MACROD2: variants seen among roughly 807,000 people sequenced by gnomAD.
MACROD2 encodes mono-ADP ribosylhydrolase 2, also known as ADP-ribose glycohydrolase MACROD2.
Under a neutral mutation model 70.4 loss-of-function variants are expected in MACROD2, and 36 were observed. The ratio of observed to expected loss-of-function variants is 0.51; its 90% CI spans 0.39 to 0.68. The LOEUF (loss-of-function observed/expected upper bound fraction) is 0.68, where lower values mean the gene tolerates loss of function less well. Ranked by LOEUF, MACROD2 falls within the 30% of genes least tolerant of loss-of-function variation. The pLI, the probability that MACROD2 is intolerant of heterozygous loss-of-function variation, is 0.00. For missense variants in MACROD2, 496 were observed against 538.4 expected (o/e 0.92, Z 0.78); for synonymous variants, 172 against 178.8 (o/e 0.96, Z 0.30).
intron 8 of MACROD2, among the ~76,000 whole-genome samples, chr20:15,668,572 A>G (rs1262327027): frequency 6.6e-6 from 1 of 151,610 alleles, no homozygotes; most frequent in Admixed American, 6.6e-5. Context: ...TGTCTGAAAA[A>G]TAAAATAAAA....
chr20:15,815,030 A>G (rs897483431), intron 8 of MACROD2, among the ~76,000 whole-genome samples: 1 of 152,216 alleles, frequency 6.6e-6, no homozygotes, highest in African/African-American at 2.4e-5. Flanking sequence ...TTCAGGGCAG[A>G]GGGGGTACTT....
At chr20:14,720,528 C>T (rs1322598293) in intron 5 of MACROD2, among the ~76,000 whole-genome samples, 3 of 108,804 alleles carry the variant, frequency 2.8e-5, no homozygotes, top group African/African-American at 1.0e-4. Context: ...TTCCCAGCTG[C>T]CCCACAACTT....
intron 8 of MACROD2, among the ~76,000 whole-genome samples, chr20:15,587,099 C>T (rs1016537905): frequency 6.6e-6 from 1 of 152,098 alleles, no homozygotes; most frequent in Non-Finnish European, 1.5e-5. Flanking sequence ...GTGAAGAAAA[C>T]GTTTAATTGG....
intron 3 of MACROD2, among the ~76,000 whole-genome samples, chr20:14,353,185 C>T (rs2083140868): frequency 6.6e-6 from 1 of 152,026 alleles, no homozygotes; most frequent in South Asian, 2.1e-4. Context: ...ATGTTTCTTC[C>T]AACTTGTTGC....
chr20:15,920,881 C>T (rs1216911818), intron 10 of MACROD2, among the ~76,000 whole-genome samples: 1 of 152,176 alleles, frequency 6.6e-6, no homozygotes, highest in Non-Finnish European at 1.5e-5. Context: ...CAGTAGAGGT[C>T]GACACCATTC....
intron 5 of MACROD2, among the ~76,000 whole-genome samples, chr20:15,228,407 A>C (rs961443051): frequency 3.3e-5 from 5 of 151,796 alleles, no homozygotes; most frequent in African/African-American, 1.2e-4. Context: ...CCAATGCTTT[A>C]GGTCTTTTCT....
At chr20:15,259,820 A>C (rs2077232656) in intron 6 of MACROD2, among the ~76,000 whole-genome samples, 1 of 151,794 alleles carries the variant, frequency 6.6e-6, no homozygotes, top group African/African-American at 2.4e-5. Flanking sequence ...ATATGAAATG[A>C]AATCTGGGAG....
intron 5 of MACROD2, among the ~76,000 whole-genome samples, chr20:15,150,392 A>T (rs1382077546): frequency 6.6e-6 from 1 of 152,106 alleles, no homozygotes; most frequent in Non-Finnish European, 1.5e-5. Flanking sequence ...CAGGGTGGAT[A>T]GGCAAAGCAA....
intron 3 of MACROD2, among the ~76,000 whole-genome samples, chr20:14,354,857 G>A (rs2083158014): frequency 6.6e-6 from 1 of 152,046 alleles, no homozygotes; most frequent in African/African-American, 2.4e-5. Flanking sequence ...CCAGTGTTTA[G>A]CTCCCACTTC....
At chr20:14,786,377 A>AT (rs2072374211) in intron 5 of MACROD2, among the ~76,000 whole-genome samples, 1 of 152,102 alleles carries the variant, frequency 6.6e-6, no homozygotes, top group African/African-American at 2.4e-5. Flanking sequence ...TCCTTTGTTA[A>AT]CATGACTTGG....
intron 3 of MACROD2, among the ~76,000 whole-genome samples, chr20:14,405,248 C>G (rs967732105): frequency 6.6e-6 from 1 of 151,158 alleles, no homozygotes; most frequent in Middle Eastern, 3.2e-3. Context: ...TTTAAAGCAA[C>G]TTGACAATAC....
chr20:16,002,697 C>A (rs57376692), intron 15 of MACROD2, among the ~76,000 whole-genome samples: 3 of 152,160 alleles, frequency 2.0e-5, no homozygotes, highest in African/African-American at 7.2e-5. Flanking sequence ...GACACCTTGA[C>A]GCTAGCCTCA....
chr20:14,913,425 A>T (rs1456319454), intron 5 of MACROD2, among the ~76,000 whole-genome samples: 1 of 152,120 alleles, frequency 6.6e-6, no homozygotes, highest in Non-Finnish European at 1.5e-5. Flanking sequence ...CATGGTTCAC[A>T]CCTGTAATCC....
intron 4 of MACROD2, among the ~76,000 whole-genome samples, chr20:14,635,246 A>G (rs1340904458): frequency 1.3e-5 from 2 of 152,198 alleles, no homozygotes; most frequent in African/African-American, 2.4e-5. Flanking sequence ...TAGTATTACT[A>G]TCCTGTGGCT....
chr20:14,400,544 A>G (rs538282023), intron 3 of MACROD2, among the ~76,000 whole-genome samples: 2 of 152,184 alleles, frequency 1.3e-5, no homozygotes, highest in Admixed American at 6.5e-5. Context: ...AGTGAACTAC[A>G]GCTGTCATGG....
intron 5 of MACROD2, among the ~76,000 whole-genome samples, chr20:14,883,634 T>C (rs561268610): frequency 9.6e-4 from 146 of 152,226 alleles, no homozygotes; most frequent in Non-Finnish European, 1.4e-3. Context: ...CAAAGAGTTG[T>C]TTACTTTCCT....
chr20:14,698,106 G>T (rs2071147796), intron 5 of MACROD2, among the ~76,000 whole-genome samples: 1 of 152,124 alleles, frequency 6.6e-6, no homozygotes, highest in African/African-American at 2.4e-5. Flanking sequence ...GAGCTGAAAT[G>T]AATCAAGTGA....
intron 15 of MACROD2, among the ~76,000 whole-genome samples, chr20:16,000,909 T>C (rs1401718064): frequency 6.6e-6 from 1 of 152,218 alleles, no homozygotes; most frequent in African/African-American, 2.4e-5. Context: ...TATACAGTGG[T>C]TGGAATAGAG....
At chr20:14,247,292 A>G (rs1287781110) in intron 3 of MACROD2, among the ~76,000 whole-genome samples, 3 of 152,220 alleles carry the variant, frequency 2.0e-5, no homozygotes, top group Non-Finnish European at 4.4e-5. Context: ...TCCTTCCACT[A>G]ATAGATGGAA....
Sources: gnomAD v4.1 joint callset for allele counts (sites outside exome capture counted in the v4.1 genomes callset) on GRCh38, gnomAD v4.1.1 for gene constraint, MANE v1.5 for transcripts, NCBI Gene and HGNC (gene_info 2026-07-23, HGNC 2026-07-21) for gene names.